The following FRAS1 variants were observed in gnomAD, a reference collection of about 807,000 sequenced individuals.
FRAS1 encodes extracellular matrix organizing protein FRAS1.
A neutral mutation model predicts 435.2 loss-of-function variants in FRAS1; 290 were observed. That is an observed-to-expected ratio of 0.67 (90% confidence interval 0.61 to 0.73). The LOEUF (loss-of-function observed/expected upper bound fraction) is 0.73, where lower values mean the gene tolerates loss of function less well. Ranked by LOEUF, FRAS1 falls within the 30% of genes least tolerant of loss-of-function variation. FRAS1 has a pLI of 0.00. For synonymous variants in FRAS1, 1,800 were observed against 1,851.0 expected (o/e 0.97, Z 0.71); for missense variants, 4,860 against 5,001.5 (o/e 0.97, Z 0.85).
At position 78,198,766 on chromosome 4, in the gene FRAS1, AGAT is replaced by A. The variant is rs989497305; in HGVS notation, c.109-38738_109-38736del. On this transcript the variant is annotated intron_variant, in intron 2 of 73. Coordinates refer to ENST00000512123, the MANE Select transcript of FRAS1 (RefSeq NM_025074.7). The stretch of plus-strand genomic sequence containing the variant: ...TCACTTCCTCACCTATTCAACATGA[AGAT>A]GATGAAGATGAGGACCTTTATGATA... Among the ~76,000 whole-genome samples, 3 of 152,288 alleles carry A rather than the reference AGAT, an allele frequency of 2.0e-5. No individual in the cohort carries two copies. The East Asian group carries it at 5.8e-4, about 29-fold the overall frequency.
At chr4:78,498,217 A>T (rs148114349) in intron 60 of FRAS1, among the ~76,000 whole-genome samples, 2,361 of 152,316 alleles carry the variant, frequency 0.016, 72 homozygotes, top group African/African-American at 0.053. Context: ...TTAAAGTATA[A>T]TTTTAAAAAA....
At chr4:78,389,168 A>G (rs531254715) in intron 29 of FRAS1, among the ~76,000 whole-genome samples, 1 of 152,368 alleles carries the variant, frequency 6.6e-6, no homozygotes, top group African/African-American at 2.4e-5. Context: ...TTTCAAAACT[A>G]GTTGATGTTT....
chr4:78,487,053 C>G (rs190282452), intron 58 of FRAS1, among the ~76,000 whole-genome samples: 4 of 152,094 alleles, frequency 2.6e-5, no homozygotes, highest in African/African-American at 9.7e-5. Flanking sequence ...CTGCTGGGAG[C>G]GGAAAAGCTT....
chr4:78,398,648 T>C (rs1036080011), intron 29 of FRAS1, among the ~76,000 whole-genome samples: 4 of 152,158 alleles, frequency 2.6e-5, no homozygotes, highest in Admixed American at 2.0e-4. Flanking sequence ...ATAACCAAAA[T>C]CAAAGTTCAG....
chr4:78,505,052 C>T (rs957743076), intron 61 of FRAS1, among the ~76,000 whole-genome samples: 3 of 152,154 alleles, frequency 2.0e-5, no homozygotes, highest in African/African-American at 7.2e-5. Context: ...TGAATATTGT[C>T]CCCCACTCTC....
chr4:78,204,984 T>C (rs992293779), intron 2 of FRAS1, among the ~76,000 whole-genome samples: 6 of 152,160 alleles, frequency 3.9e-5, no homozygotes, highest in African/African-American at 1.4e-4. Flanking sequence ...AAATGCACGA[T>C]GAAGGGCATC....
At chr4:78,099,680 G>T (rs1249918174) in intron 2 of FRAS1, among the ~76,000 whole-genome samples, 1 of 152,188 alleles carries the variant, frequency 6.6e-6, no homozygotes, top group Non-Finnish European at 1.5e-5. Flanking sequence ...TGAGAACATA[G>T]TAAAGTGGGT....
At chr4:78,299,927 C>T (rs1038483582) in intron 14 of FRAS1, among the ~76,000 whole-genome samples, 3 of 152,212 alleles carry the variant, frequency 2.0e-5, no homozygotes, top group African/African-American at 7.2e-5. Context: ...TTACCTGTGG[C>T]CAGCTGAGAA....
intron 4 of FRAS1, among the ~76,000 whole-genome samples, chr4:78,248,363 T>C (rs929406805): frequency 6.6e-6 from 1 of 152,212 alleles, no homozygotes; most frequent in Non-Finnish European, 1.5e-5. Context: ...CAAATTACTT[T>C]GTGAAAGGGA....
At chr4:78,496,745 C>A in intron 59 of FRAS1, 60 bp from the exon 60 acceptor site, 1 of 1,472,178 alleles carries the variant, frequency 6.8e-7, no homozygotes, top group Admixed American at 2.2e-5. Flanking sequence ...TCTAGGAAAA[C>A]CAAGCAAATC....
rs750961258 is a variant in FRAS1 at position 78,237,621 on chromosome 4, C to G, written c.216+4C>G. 1 of 1,556,276 alleles carries G rather than the reference C, an allele frequency of 6.4e-7. No homozygotes were observed. Among genetic ancestry groups the G allele is most frequent in the African/African-American group, 1.4e-5 (1 of 73,612 alleles). On this transcript the variant is annotated splice_donor_region_variant and intron_variant, in intron 3 of 73. Transcript: ENST00000512123. ...CCCTCAATGTGCCTTTGAGAAGGTACGGTATCCTAATTGTGTCCTAAATGT... is the reference window on the plus strand; with the variant it reads ...CCCTCAATGTGCCTTTGAGAAGGTAGGGTATCCTAATTGTGTCCTAAATGT...
intron 2 of FRAS1, among the ~76,000 whole-genome samples, chr4:78,191,876 A>AT (rs1258748798): frequency 6.6e-6 from 1 of 152,036 alleles, no homozygotes; most frequent in Admixed American, 6.6e-5. Flanking sequence ...TGAACTCATC[A>AT]TTTTTTATGG....
intron 20 of FRAS1, among the ~76,000 whole-genome samples, chr4:78,357,783 G>C (rs373144): frequency 0.067 from 10,154 of 152,156 alleles, 636 homozygotes; most frequent in African/African-American, 0.17. Flanking sequence ...CACACCTATA[G>C]GTCCAGCTAC....
At chr4:78,093,131 C>T (rs1167729770) in intron 2 of FRAS1, among the ~76,000 whole-genome samples, 1 of 152,196 alleles carries the variant, frequency 6.6e-6, no homozygotes, top group Non-Finnish European at 1.5e-5. Flanking sequence ...TCTGTGCTCA[C>T]ATTCCTGTCT....
intron 43 of FRAS1, among the ~76,000 whole-genome samples, chr4:78,447,370 T>G (rs193139926): frequency 6.6e-6 from 1 of 151,586 alleles, no homozygotes; most frequent in African/African-American, 2.4e-5. Flanking sequence ...TTCTTTTTTT[T>G]AAGAGCCATC....
chr4:78,258,651 T>A (rs1199788740), intron 6 of FRAS1, among the ~76,000 whole-genome samples: 2 of 148,026 alleles, frequency 1.4e-5, no homozygotes, highest in Non-Finnish European at 3.0e-5. Context: ...ATTCTTTAAA[T>A]TTTTATTTTT....
rs74670188 is a variant in FRAS1 at position 78,085,267 on chromosome 4, G to A, written c.108+19251G>A. Among the ~76,000 whole-genome samples, 735 of 152,144 alleles carry A rather than the reference G, an allele frequency of 4.8e-3. 7 individuals are homozygous for A. The highest frequency in any genetic ancestry group is 0.017 in the African/African-American group (688 of 41,540). On this transcript the variant is annotated intron_variant, in intron 2 of 73. Transcript: ENST00000512123. ...TAGTTTTAATTGTATTTCTGTGTTC[G>A]TATGTTTAAGGGTCACTGACATTTC... is the stretch of plus-strand genomic sequence containing the variant.
chr4:78,370,117 G>T, intron 23 of FRAS1, 133 bp downstream of exon 23: 1 of 737,222 alleles, frequency 1.4e-6, no homozygotes, highest in Non-Finnish European at 2.2e-6. Flanking sequence ...AGCAACAATT[G>T]TGTGTGTATG....
intron 2 of FRAS1, among the ~76,000 whole-genome samples, chr4:78,126,741 G>A (rs554060787): frequency 3.9e-5 from 6 of 152,196 alleles, no homozygotes; most frequent in South Asian, 2.1e-4. Flanking sequence ...ATCACATCAC[G>A]TGTCTAATCA....
Sources: gnomAD v4.1 joint callset for allele counts (sites outside exome capture counted in the v4.1 genomes callset) on GRCh38, gnomAD v4.1.1 for gene constraint, MANE v1.5 for transcripts, NCBI Gene and HGNC (gene_info 2026-07-23, HGNC 2026-07-21) for gene names.